The following ADCY9 variants were observed in gnomAD, a reference collection of about 807,000 sequenced individuals.
ADCY9 encodes adenylate cyclase 9, also known as adenylate cyclase type 9.
Under a neutral mutation model 101.5 loss-of-function variants are expected in ADCY9, and 50 were observed. The observed-to-expected ratio is 0.49, with a 90% CI of 0.39 to 0.62. The LOEUF (loss-of-function observed/expected upper bound fraction) is 0.62. Among genes scored for constraint, ADCY9 ranks in the 20% least tolerant of loss-of-function variants. The probability of loss-of-function intolerance (pLI) is 0.00; values close to 1 mark genes in which losing one functional copy is unlikely to be tolerated. For synonymous variants in ADCY9, 905 were observed against 769.3 expected (o/e 1.18, Z -2.92); for missense variants, 1,662 against 1,800.4 (o/e 0.92, Z 1.39).
chr16:3,960,200 C>T (rs541013240), downstream of ADCY9, among the ~76,000 whole-genome samples: 4 of 152,102 alleles, frequency 2.6e-5, no homozygotes, highest in South Asian at 4.2e-4. Flanking sequence ...TATTTGCATT[C>T]GTGGACTCCT....
chr16:4,025,726 G>A (rs541811101), intron 2 of ADCY9, among the ~76,000 whole-genome samples: 1 of 152,206 alleles, frequency 6.6e-6, no homozygotes, highest in Non-Finnish European at 1.5e-5. Flanking sequence ...CGCAGCTCCA[G>A]AAGGTTTGGG....
intron 2 of ADCY9, among the ~76,000 whole-genome samples, chr16:4,035,144 G>A (rs2056580913): frequency 6.6e-6 from 1 of 152,192 alleles, no homozygotes; most frequent in African/African-American, 2.4e-5. Context: ...ACTAATCTCT[G>A]CCATCCTCCC....
intron 2 of ADCY9, among the ~76,000 whole-genome samples, chr16:4,070,535 G>C (rs536547802): frequency 6.6e-6 from 1 of 152,250 alleles, no homozygotes; most frequent in South Asian, 2.1e-4. Flanking sequence ...ATTAAAACTG[G>C]CTGGGCCTGG....
At position 4,007,536 on chromosome 16, in the gene ADCY9, C is replaced by T. The variant is rs746855399; in HGVS notation, c.1716G>A (p.Ser572=). ...QLKGLKTYLI[S]GQRAKESRCS... is the part of the protein sequence containing the mutation. The stretch of plus-strand genomic sequence containing the variant: ...AGCGAGACTCCTTGGCTCTCTGACC[C>T]GATATCAGGTATGTCTTCAAACCTA... Residue 572 remains serine, a synonymous_variant, in exon 3 of 11, where the codon TCG becomes TCA. Transcript: ENST00000294016. 3.5e-5 allele frequency: 56 copies of T among 1,609,290 alleles called. No homozygotes were observed. Among genetic ancestry groups the T allele is most frequent in the South Asian group, 2.5e-4 (23 of 90,266 alleles).
intron 2 of ADCY9, among the ~76,000 whole-genome samples, chr16:4,093,381 T>C (rs1034475695): frequency 6.6e-6 from 1 of 152,238 alleles, no homozygotes; most frequent in African/African-American, 2.4e-5. Flanking sequence ...AAGAGGCTAC[T>C]GTTTAAAAAC....
intron 2 of ADCY9, among the ~76,000 whole-genome samples, chr16:4,016,249 G>A (rs1201854967): frequency 7.2e-5 from 11 of 152,210 alleles, no homozygotes; most frequent in Admixed American, 7.2e-4. Flanking sequence ...CAACAAAATG[G>A]AAATGAAGGT....
intron 9 of ADCY9, 88 bp downstream of exon 9, chr16:3,977,389 TGAGAA>T (rs2056100903): frequency 6.8e-7 from 1 of 1,460,592 alleles, no homozygotes; most frequent in East Asian, 2.5e-5. Context: ...TATCGGGGCG[TGAGAA>T]GCAATGTGCA....
chr16:4,024,981 G>T (rs1407925182), intron 2 of ADCY9, among the ~76,000 whole-genome samples: 1 of 152,086 alleles, frequency 6.6e-6, no homozygotes, highest in Admixed American at 6.6e-5. Flanking sequence ...AAGACAGCAG[G>T]TGGGGAGGCC....
chr16:3,956,968 TTCC>T (rs1205137405), intron 5 of ADCY9, among the ~76,000 whole-genome samples: 1 of 152,162 alleles, frequency 6.6e-6, no homozygotes, highest in Non-Finnish European at 1.5e-5. Context: ...ATAATAAATA[TTCC>T]ACACATAATT....
At chr16:4,070,484 G>T (rs910428647) in intron 2 of ADCY9, among the ~76,000 whole-genome samples, 1 of 152,056 alleles carries the variant, frequency 6.6e-6, no homozygotes, top group Non-Finnish European at 1.5e-5. Context: ...CCAAGTAGAA[G>T]TTATTTTTAG....
At chr16:4,001,006 CACAT>C (rs202073921) in intron 3 of ADCY9, among the ~76,000 whole-genome samples, 5,477 of 147,336 alleles carry the variant, frequency 0.037, 128 homozygotes, top group Non-Finnish European at 0.063. Context: ...CACACACACA[CACAT>C]ATATAATTTC....
In ADCY9 at chr16:4,115,073, C is replaced by G. The variant is rs775297017; in HGVS notation, c.370G>C (p.Gly124Arg). 1 of 1,613,860 alleles carries G rather than the reference C, an allele frequency of 6.2e-7. No homozygotes were observed. Among genetic ancestry groups the G allele is most frequent in the Non-Finnish European group, 8.5e-7 (1 of 1,180,030 alleles). ...RRFRYALFYI[G>R]FACLLWSIYF... ...ATGCTCCACAGAAGGCAGGCGAAGC[C>G]GATGTAGAAGAGCGCATACCGGAAC... The change falls in exon 2 of 11, where the codon GGC becomes CGC. Residue 124 changes from glycine to arginine, a missense_variant. Physicochemically the swap from Gly to Arg is moderately radical, Grantham distance 125. Transcript: ENST00000294016. The surrounding 1 kb of genome is among the most constrained non-coding windows in gnomAD (Gnocchi z 6.2).
At chr16:3,977,333 A>G (rs1038528149) in intron 9 of ADCY9, 149 bp downstream of exon 9, 7 of 987,182 alleles carry the variant, frequency 7.1e-6, no homozygotes, top group Non-Finnish European at 7.3e-6. Flanking sequence ...GCTCTTTGGT[A>G]TGATGTGTGC....
At chr16:4,035,072 T>C (rs1428734028) in intron 2 of ADCY9, among the ~76,000 whole-genome samples, 2 of 152,220 alleles carry the variant, frequency 1.3e-5, no homozygotes, top group Non-Finnish European at 2.9e-5. Context: ...AAGCCAAATA[T>C]GGATTAAACG....
downstream of ADCY9, among the ~76,000 whole-genome samples, chr16:3,959,799 G>T (rs193005308): frequency 2.9e-3 from 441 of 152,252 alleles, no homozygotes; most frequent in Admixed American, 4.2e-3. Flanking sequence ...GCCAAGGCAG[G>T]TGGATCACCT....
At chr16:4,101,048 T>C (rs904055540) in intron 2 of ADCY9, among the ~76,000 whole-genome samples, 1 of 152,190 alleles carries the variant, frequency 6.6e-6, no homozygotes, top group Admixed American at 6.5e-5. Context: ...TCTAAGAACT[T>C]GTATTTTCTC....
rs1262881841 is a variant in ADCY9 at position 3,977,507 on chromosome 16, G to A, written c.2803C>T (p.Leu935Phe). 1 of 1,576,776 alleles carries A rather than the reference G, an allele frequency of 6.3e-7. No homozygotes were observed. The highest frequency in any genetic ancestry group is 1.3e-5 in the African/African-American group (1 of 74,406). The change falls in exon 9 of 11, where the codon CTC becomes TTC. Residue 935 changes from leucine (L) to phenylalanine (F), a missense_variant. Transcript: ENST00000294016. ...CTGTCTGGGCACAGGGAGACGTAGA[G>A]CAGGAGCAGCGGCCCGGCCCCCACG... is the stretch of plus-strand genomic sequence containing the variant. The part of the protein sequence containing the change: ...TVVGAGPLLL[L>F]YVSLCPDSSV...
intron 2 of ADCY9, among the ~76,000 whole-genome samples, chr16:4,019,310 T>C (rs865883424): frequency 5.3e-5 from 8 of 152,256 alleles, no homozygotes; most frequent in Middle Eastern, 3.4e-3. Context: ...CCTCAAGGTG[T>C]TGCTGCACAT....
Position 3,977,353 on chromosome 16 carries a change from T to C in ADCY9, c.2828+129A>G, listed in dbSNP as rs897346006. 5.7e-6 allele frequency: 7 copies of C among 1,229,916 alleles called. No individual in the cohort carries two copies. In the Admixed American group the frequency reaches 7.2e-5, roughly 13 times the overall value. The allele number at this position is 1,229,916 out of a possible 1,614,324, so 76.2% of individuals were successfully genotyped here. ...TTGGTATGATGTGTGCTGACAGCTA[T>C]TTTGGGTCATGATGGGAAATATCTC... On this transcript the variant is annotated intron_variant, in intron 9 of 10. Coordinates refer to ENST00000294016, the MANE Select transcript of ADCY9 (RefSeq NM_001116.4).
Sources: allele counts gnomAD v4.1 joint callset (sites outside exome capture counted in the v4.1 genomes callset), GRCh38; gene constraint gnomAD v4.1.1; non-coding constraint Gnocchi (gnomAD v3.1); transcripts MANE v1.5; gene names NCBI Gene and HGNC (gene_info 2026-07-23, HGNC 2026-07-21).